ZNF185: variants seen among roughly 807,000 people sequenced by gnomAD.
ZNF185 encodes the protein zinc finger protein 185.
Under a neutral mutation model 58.6 loss-of-function variants are expected in ZNF185, and 56 were observed. That is an observed-to-expected ratio of 0.95 (90% CI 0.77 to 1.19). The LOEUF (loss-of-function observed/expected upper bound fraction) is 1.19, where lower values mean the gene tolerates loss of function less well. Ranked by LOEUF, ZNF185 falls within the 50% of genes most tolerant of loss-of-function variation. The pLI, the probability that ZNF185 is intolerant of heterozygous loss-of-function variation, is 0.00. For missense variants in ZNF185, 627 were observed against 573.5 expected, an observed-to-expected ratio of 1.09 and a Z score of -0.95; for synonymous variants, 230 against 215.9, an observed-to-expected ratio of 1.07 and a Z score of -0.57.
the ZNF185 span, among the ~76,000 whole-genome samples, chrX:152,899,290 T>A: frequency 8.9e-5 from 10 of 112,266 alleles, no homozygotes; most frequent in Non-Finnish European, 9.4e-5. Context: ...GGTGCACAGG[T>A]TGATAGGCCT....
At chrX:152,906,246 T>G in the ZNF185 span, among the ~76,000 whole-genome samples, 1 of 112,430 alleles carries the variant, frequency 8.9e-6, no homozygotes, top group East Asian at 2.8e-4. Flanking sequence ...TAGGAGCAAG[T>G]TCTTGGGAGA....
intron 16 of ZNF185, 118 bp from the exon 19 acceptor site, chrX:152,959,581 A>G: frequency 1.2e-6 from 1 of 818,669 alleles, no homozygotes; most frequent in Non-Finnish European, 1.7e-6. Context: ...TGTCTGCCCC[A>G]CTCTTGGGGA....
chrX:152,948,520 G>C (rs890038206), intron 16 of ZNF185, among the ~76,000 whole-genome samples: 5 of 111,935 alleles, frequency 4.5e-5, no homozygotes, highest in Non-Finnish European at 3.8e-5. Context: ...CACACTTGTT[G>C]TCACAACTCA....
At chrX:152,944,468 G>A (rs2047570701) in intron 15 of ZNF185, among the ~76,000 whole-genome samples, 1 of 112,441 alleles carries the variant, frequency 8.9e-6, no homozygotes, top group Non-Finnish European at 1.9e-5. Flanking sequence ...GCCCAACTTG[G>A]TGTTTGCCCC....
chrX:152,914,605 G>A (rs1937985576), intron 1 of ZNF185, 82 bp downstream of exon 2: 4 of 1,158,494 alleles, frequency 3.5e-6, no homozygotes, highest in Non-Finnish European at 4.6e-6. Flanking sequence ...CACAAGCACT[G>A]TCCCAGCAGC....
intron 3 of ZNF185, 39 bp from the exon 5 acceptor site, chrX:152,917,092 C>G (rs1938636298): frequency 8.3e-7 from 1 of 1,210,516 alleles, no homozygotes; most frequent in Non-Finnish European, 1.1e-6. Context: ...AGCCCTCCAG[C>G]AAGCCTCGCT....
chrX:152,950,337 A>G (rs1745059632), intron 16 of ZNF185, among the ~76,000 whole-genome samples: 3 of 111,977 alleles, frequency 2.7e-5, no homozygotes, highest in Non-Finnish European at 5.6e-5. Context: ...AAACATCTGT[A>G]TATTAACAAT....
intron 14 of ZNF185, among the ~76,000 whole-genome samples, 199 bp downstream of exon 15, chrX:152,933,170 T>G (rs1569502788): frequency 8.9e-6 from 1 of 112,760 alleles, no homozygotes; most frequent in Non-Finnish European, 1.9e-5. Context: ...TTCATTTTTC[T>G]GATCCCTGCC....
At chrX:152,919,810 G>A (rs947881974) in intron 7 of ZNF185, among the ~76,000 whole-genome samples, 2 of 112,740 alleles carry the variant, frequency 1.8e-5, no homozygotes, top group African/African-American at 6.5e-5. Context: ...CATCTGTGGC[G>A]CAGGAATCAC....
chrX:152,938,181 A>G lies in ZNF185; in HGVS notation c.1211+18A>G, dbSNP rs1556884500. The G allele has an allele frequency of 1.7e-6, 2 of 1,166,489 alleles. No individual in the cohort carries two copies. Among genetic ancestry groups the G allele is most frequent in the Non-Finnish European group, 2.3e-6 (2 of 870,150 alleles). On this transcript the variant is annotated intron_variant, in intron 15 of 22. Transcript: ENST00000449285. Reference sequence around the variant, plus strand: ...CCAAAGGGGTAAGGCATGAGCAGACAGTGCTGAACTTCTGGGGTGGAGAGA... The same window carrying G: ...CCAAAGGGGTAAGGCATGAGCAGACGGTGCTGAACTTCTGGGGTGGAGAGA...
rs782581195 is a variant in ZNF185 at position 152,964,056 on chromosome X, C to G, written c.1718+107C>G. On this transcript the variant is annotated intron_variant, in intron 18 of 22. Transcript: ENST00000449285. Reference sequence around the variant, plus strand: ...TGTTGCTTCCCATTTAGTGCCTTCCCCAGTTTCTAGCAGGCCATTAGCCAA... The same window carrying G: ...TGTTGCTTCCCATTTAGTGCCTTCCGCAGTTTCTAGCAGGCCATTAGCCAA... 34 of 754,021 alleles carry G rather than the reference C, an allele frequency of 4.5e-5. 1 individual carries two copies. The South Asian group carries it at 7.1e-4, about 16-fold the overall frequency. 62.1% of individuals were successfully genotyped at this position (754,021 alleles called of 1,213,427 possible).
At chrX:152,957,785 C>T (rs782817814) in intron 16 of ZNF185, among the ~76,000 whole-genome samples, 1 of 112,816 alleles carries the variant, frequency 8.9e-6, no homozygotes, top group Admixed American at 9.3e-5. Context: ...CTTTATAGCA[C>T]AAAATATACC....
intron 16 of ZNF185, among the ~76,000 whole-genome samples, chrX:152,948,536 G>A (rs1294553038): frequency 8.9e-6 from 1 of 112,003 alleles, no homozygotes; most frequent in African/African-American, 3.2e-5. Flanking sequence ...ACTCACTGCT[G>A]AGGGGAACTG....
intron 14 of ZNF185, among the ~76,000 whole-genome samples, chrX:152,937,590 G>C (rs1460370900): frequency 1.8e-5 from 2 of 111,972 alleles, no homozygotes; most frequent in Non-Finnish European, 3.8e-5. Flanking sequence ...CAAGCCCCAA[G>C]AGACATGTCC....
Position 152,959,932 on chromosome X carries a change from G to C in ZNF185, c.1607+36G>C, listed in dbSNP as rs782254063. 7.7e-6 allele frequency: 9 copies of C among 1,174,830 alleles called. No individual in the cohort carries two copies. In the Admixed American group the frequency reaches 9.3e-5, roughly 12 times the overall value. On this transcript the variant is annotated intron_variant, in intron 17 of 22. Transcript: ENST00000449285. The stretch of plus-strand genomic sequence containing the variant: ...AACTGCACTGGGACCTTACCTGCTA[G>C]AGCCAGTGTTTTTGTCCAGGGCAGC...
At chrX:152,911,069 G>A (rs782569452), upstream of ZNF185, among the ~76,000 whole-genome samples, 17 of 111,865 alleles carry the variant, frequency 1.5e-4, no homozygotes, top group Non-Finnish European at 2.3e-4. Flanking sequence ...TGCTGAGGTT[G>A]GGGGAGGAGC....
intron 16 of ZNF185, among the ~76,000 whole-genome samples, chrX:152,946,092 G>A (rs782075170): frequency 1.8e-5 from 2 of 112,640 alleles, no homozygotes; most frequent in African/African-American, 3.2e-5. Flanking sequence ...AAGGCATCTT[G>A]CCTGCCAGCG....
At chrX:152,936,554 C>G (rs1034584852) in intron 14 of ZNF185, 41 bp downstream of exon 16, 1 of 1,106,446 alleles carries the variant, frequency 9.0e-7, no homozygotes. Context: ...ATCCCATTGC[C>G]AGACACAGCC....
rs782620572 is a variant in ZNF185 at position 152,936,371 on chromosome X, C to T, written c.1122-1703C>T. 1.4e-5 allele frequency: 15 copies of T among 1,097,456 alleles called. 1 individual carries two copies. In the South Asian group the frequency reaches 2.6e-4, roughly 19 times the overall value. The allele number at this position is 1,097,456 out of a possible 1,213,427, so 90.4% of individuals were successfully genotyped here. A position where few individuals can be genotyped will look rare whatever the true frequency, so the allele number is the denominator to read the frequency against. ...ACTTTCTCGGGAGAGGGTAGACATA[C>T]AGACACAAAGTCCTGAACCTGGACC... On this transcript the variant is annotated intron_variant, in intron 14 of 22. Transcript: ENST00000449285.
Sources: gnomAD v4.1 joint callset for allele counts (sites outside exome capture counted in the v4.1 genomes callset) on GRCh38, gnomAD v4.1.1 for gene constraint, MANE v1.5 for transcripts, NCBI Gene and HGNC (gene_info 2026-07-23, HGNC 2026-07-21) for gene names.